Variants in CCDC47 observed in about 807,000 individuals in gnomAD.
The protein encoded by CCDC47 is PAT complex subunit CCDC47.
A neutral mutation model predicts 60.5 loss-of-function variants in CCDC47; 41 were observed. The observed-to-expected ratio is 0.68, with a 90% CI of 0.53 to 0.88. The LOEUF (loss-of-function observed/expected upper bound fraction) is 0.88. CCDC47 is among the 40% of genes least tolerant of loss of function. The probability of loss-of-function intolerance (pLI) is 0.00; values close to 1 mark genes in which losing one functional copy is unlikely to be tolerated. For synonymous variants in CCDC47, 195 were observed against 190.7 expected (o/e 1.02, Z -0.18); for missense variants, 513 against 580.9 (o/e 0.88, Z 1.20).
intron 1 of CCDC47, among the ~76,000 whole-genome samples, chr17:63,769,716 T>G (rs1351967838): frequency 6.6e-6 from 1 of 151,432 alleles, no homozygotes; most frequent in African/African-American, 2.4e-5. Context: ...GGAAGAAGAA[T>G]AATTGTCTTG....
intron 8 of CCDC47, among the ~76,000 whole-genome samples, chr17:63,755,082 T>C (rs866340636): frequency 7.2e-5 from 11 of 152,046 alleles, no homozygotes; most frequent in Admixed American, 2.0e-4. Context: ...GTGATCTTCC[T>C]GCCTCAGCCT....
chr17:63,750,775 G>A (rs1311341920), intron 12 of CCDC47, among the ~76,000 whole-genome samples: 1 of 151,994 alleles, frequency 6.6e-6, no homozygotes, highest in Non-Finnish European at 1.5e-5. Context: ...TTTTAGTAGA[G>A]ACGGGGTTTC....
intron 1 of CCDC47, chr17:63,766,706 T>G: frequency 1.4e-5 from 6 of 423,308 alleles, no homozygotes; most frequent in South Asian, 1.0e-4. Flanking sequence ...ATTACAGGTG[T>G]GAGCCACTGT....
At chr17:63,760,853 A>C in intron 6 of CCDC47, 61 bp downstream of exon 6, 1 of 1,151,738 alleles carries the variant, frequency 8.7e-7, no homozygotes, top group Non-Finnish European at 1.3e-6. Flanking sequence ...AAAAAAAAAA[A>C]GAAAGAAAGA....
rs1598313492 is a variant in CCDC47 at position 63,770,996 on chromosome 17, A to AAAAAAAAG, written c.-20+2415_-20+2416insCTTTTTTT. 2.3e-4 allele frequency among the ~76,000 whole-genome samples: 21 copies of AAAAAAAAG among 89,460 alleles called. No homozygotes were observed. In the East Asian group the frequency reaches 3.0e-3, roughly 13 times the overall value. 58.7% of individuals were successfully genotyped at this position (89,460 alleles called of 152,430 possible). ...GAGCGAGACTGTGTCAAAAAAAAAA[A>AAAAAAAAG]AAAGAAAGAAAGAAAGAAAGGAAGG... On this transcript the variant is annotated intron_variant, in intron 1 of 12. Transcript: ENST00000225726.
At chr17:63,754,896 A>G (rs1305165477) in intron 8 of CCDC47, among the ~76,000 whole-genome samples, 8 of 151,760 alleles carry the variant, frequency 5.3e-5, no homozygotes, top group Non-Finnish European at 1.2e-4. Flanking sequence ...AAAAAGAAAA[A>G]AAAAAAAAAA....
intron 1 of CCDC47, among the ~76,000 whole-genome samples, chr17:63,768,787 A>G (rs2039314772): frequency 6.6e-6 from 1 of 151,950 alleles, no homozygotes; most frequent in Non-Finnish European, 1.5e-5. Context: ...CCTCTACAAA[A>G]AAGCTTTTAA....
intron 2 of CCDC47, 127 bp from the exon 3 acceptor site, chr17:63,764,974 C>A: frequency 7.0e-7 from 1 of 1,437,586 alleles, no homozygotes; most frequent in South Asian, 1.5e-5. Context: ...ACAGATGTTA[C>A]ATGTTTTTAA....
intron 12 of CCDC47, 67 bp from the exon 13 acceptor site, chr17:63,747,028 A>C: frequency 6.4e-7 from 1 of 1,564,800 alleles, no homozygotes; most frequent in Non-Finnish European, 8.7e-7. Context: ...TTAAGCTTGA[A>C]ACATATGTTA....
At chr17:63,756,410 A>G in intron 7 of CCDC47, 59 bp downstream of exon 7, 2 of 1,573,142 alleles carry the variant, frequency 1.3e-6, no homozygotes, top group Non-Finnish European at 1.8e-6. Flanking sequence ...GAAGCTGAAT[A>G]TGTGTGTGCT....
intron 2 of CCDC47, among the ~76,000 whole-genome samples, chr17:63,765,386 G>A (rs530082236): frequency 6.6e-6 from 1 of 151,832 alleles, no homozygotes; most frequent in East Asian, 1.9e-4. Flanking sequence ...TATCACCCAG[G>A]CTGAAGTGCA....
chr17:63,745,357 T>C lies in CCDC47; in HGVS notation c.*1524A>G, dbSNP rs1022662912. 3 of 152,622 alleles carry C rather than the reference T, an allele frequency of 2.0e-5. No homozygotes were observed. Among genetic ancestry groups the C allele is most frequent in the African/African-American group, 7.2e-5 (3 of 41,440 alleles). 9.5% of individuals were successfully genotyped at this position (152,622 alleles called of 1,614,324 possible). A position where few individuals can be genotyped will look rare whatever the true frequency, so the allele number is the denominator to read the frequency against. On this transcript the variant is annotated 3_prime_UTR_variant, in exon 13 of 13. Coordinates refer to ENST00000225726, the MANE Select transcript of CCDC47 (RefSeq NM_020198.3). ...AAATGTATGGGACTTTAGGAAAGCT[T>C]TTCTTACTCAAAAGATAACTAAGAC...
Position 63,749,943 on chromosome 17 carries a change from A to G in CCDC47, c.1371+1997T>C, listed in dbSNP as rs1284658722. Among the ~76,000 whole-genome samples the G allele has an allele frequency of 2.0e-5, 3 of 152,200 alleles. No homozygotes were observed. In the South Asian group the frequency reaches 6.2e-4, roughly 32 times the overall value. On this transcript the variant is annotated intron_variant, in intron 12 of 12. Coordinates refer to ENST00000225726, the MANE Select transcript of CCDC47 (RefSeq NM_020198.3). ...GTACTCTAGCCTGGGCAACAGAGTG[A>G]GACCCTGTCTCAAAAATAAAAATAA... is the stretch of plus-strand genomic sequence containing the variant.
chr17:63,771,667 T>TA (rs1227337269), intron 1 of CCDC47, among the ~76,000 whole-genome samples: 2 of 152,248 alleles, frequency 1.3e-5, no homozygotes, highest in Non-Finnish European at 2.9e-5. Flanking sequence ...TACTACCTGT[T>TA]AAAGTTTCTC....
At chr17:63,758,353 G>A (rs906334371) in intron 6 of CCDC47, among the ~76,000 whole-genome samples, 1 of 152,116 alleles carries the variant, frequency 6.6e-6, no homozygotes, top group African/African-American at 2.4e-5. Context: ...TGTAGGATTT[G>A]AAGCTAACTC....
In CCDC47 at chr17:63,765,972, A is replaced by G. The variant is rs140978831; in HGVS notation, c.204T>C (p.Thr68=). Residue 68 remains threonine (T), a synonymous_variant, in exon 2 of 13, where the codon ACT becomes ACC. Coordinates refer to ENST00000225726, the MANE Select transcript of CCDC47 (RefSeq NM_020198.3). ...IITEDDEDET[T]VELEGQDENQ... Reference sequence around the variant, plus strand: ...TTTCATCCTGCCCTTCCAACTCCACAGTGGTCTCATCTTCATCATCTTCAG... The same window carrying G: ...TTTCATCCTGCCCTTCCAACTCCACGGTGGTCTCATCTTCATCATCTTCAG... The G allele has an allele frequency of 6.4e-5, 104 of 1,614,030 alleles. No homozygotes were observed. Among genetic ancestry groups the G allele is most frequent in the Non-Finnish European group, 8.6e-5 (101 of 1,180,016 alleles).
rs535726414 is a variant in CCDC47, at chr17:63,746,811, G to A, written c.*70C>T. On this transcript the variant is annotated 3_prime_UTR_variant, in exon 13 of 13. Transcript: ENST00000225726. ...GAAATTTAAGGTTGAGAAATGGACT[G>A]GCGTTTTTCATGTTTCCTGTGAATT... 16 of 1,122,202 alleles carry A rather than the reference G, an allele frequency of 1.4e-5. No individual in the cohort carries two copies. The South Asian group carries it at 2.0e-4, about 14-fold the overall frequency. 69.5% of individuals were successfully genotyped at this position (1,122,202 alleles called of 1,614,324 possible). A position where few individuals can be genotyped will look rare whatever the true frequency, so the allele number is the denominator to read the frequency against.
At chr17:63,756,218 G>T (rs761459842) in intron 8 of CCDC47, 22 bp downstream of exon 8, 2 of 1,536,348 alleles carry the variant, frequency 1.3e-6, no homozygotes, top group Admixed American at 3.3e-5. Context: ...CCTGGCAAAT[G>T]TATGTCTTCT....
chr17:63,747,774 A>C (rs182141642), intron 12 of CCDC47: 1 of 985,414 alleles, frequency 1.0e-6, no homozygotes, highest in East Asian at 1.1e-4. Context: ...AAGCATATAT[A>C]GTTCTTCATA....
Sources: gnomAD v4.1 joint callset for allele counts (sites outside exome capture counted in the v4.1 genomes callset) on GRCh38, gnomAD v4.1.1 for gene constraint, MANE v1.5 for transcripts, NCBI Gene and HGNC (gene_info 2026-07-23, HGNC 2026-07-21) for gene names.